The following SCAP variants were observed in gnomAD, a reference collection of about 807,000 sequenced individuals.
The protein encoded by SCAP is SREBF chaperone.
A neutral mutation model predicts 123.6 loss-of-function variants in SCAP; 65 were observed. That is an observed-to-expected ratio of 0.53 (90% CI 0.43 to 0.65). The LOEUF is 0.65. Ranked by LOEUF, SCAP falls within the 30% of genes least tolerant of loss-of-function variation. The pLI is 0.00. For missense variants in SCAP, 1,398 were observed against 1,712.5 expected (o/e 0.82, Z 3.24); for synonymous variants, 740 against 726.3 (o/e 1.02, Z -0.30).
intron 3 of SCAP, among the ~76,000 whole-genome samples, chr3:47,431,505 T>C (rs1011005763): frequency 6.6e-6 from 1 of 152,070 alleles, no homozygotes; most frequent in Non-Finnish European, 1.5e-5. Context: ...AGCTGTAGTG[T>C]CTGAGGCTTC....
At chr3:47,454,142 C>T (rs1243449633) in intron 1 of SCAP, among the ~76,000 whole-genome samples, 4 of 151,606 alleles carry the variant, frequency 2.6e-5, no homozygotes, top group Non-Finnish European at 5.9e-5. Context: ...CCGAGGCGGG[C>T]GGATCACAAG....
At position 47,420,499 on chromosome 3, in the gene SCAP, G is replaced by A; in HGVS notation, c.1563+55C>T. On this transcript the variant is annotated intron_variant, in intron 12 of 22. Transcript: ENST00000265565. This position sits in a 1 kb window ranked among gnomAD's most constrained non-coding sequence, Gnocchi z 5.0. ...AAGGCCAAGTGCAGCACCACAAGGG[G>A]CCTGGAGCACCGGCCCTCCAGAAGA... The A allele has an allele frequency of 6.9e-7, 1 of 1,456,988 alleles. No individual in the cohort carries two copies. Among genetic ancestry groups the A allele is most frequent in the Non-Finnish European group, 9.3e-7 (1 of 1,077,908 alleles). The allele number at this position is 1,456,988 out of a possible 1,614,324, so 90.3% of individuals were successfully genotyped here. A position where few individuals can be genotyped will look rare whatever the true frequency, so the allele number is the denominator to read the frequency against.
chr3:47,454,661 T>C (rs1329224345), intron 1 of SCAP, among the ~76,000 whole-genome samples: 4 of 151,782 alleles, frequency 2.6e-5, no homozygotes, highest in African/African-American at 7.3e-5. Flanking sequence ...CGCAGGAGAA[T>C]CGCTTGAACC....
intron 1 of SCAP, among the ~76,000 whole-genome samples, chr3:47,460,038 T>G (rs1026530986): frequency 4.6e-5 from 7 of 152,198 alleles, no homozygotes; most frequent in African/African-American, 1.7e-4. Context: ...CTTCCCTACT[T>G]GCATGTCCAT....
At chr3:47,434,929 A>C in intron 3 of SCAP, 79 bp downstream of exon 3, 1 of 1,590,980 alleles carries the variant, frequency 6.3e-7, no homozygotes. Context: ...ACCAACCTCA[A>C]TCTCACTGGC....
intron 1 of SCAP, among the ~76,000 whole-genome samples, chr3:47,448,357 G>A (rs1707130549): frequency 6.6e-6 from 1 of 151,454 alleles, no homozygotes; most frequent in African/African-American, 2.4e-5. Flanking sequence ...CTTTCTGCAT[G>A]TGTGTGTGTG....
In SCAP at chr3:47,414,292, C is replaced by G; in HGVS notation, c.3482G>C (p.Gly1161Ala). The G allele has an allele frequency of 6.2e-7, 1 of 1,613,336 alleles. No individual in the cohort carries two copies. The highest frequency in any genetic ancestry group is 8.5e-7 in the Non-Finnish European group (1 of 1,180,014). Residue 1161 changes from glycine to alanine, a missense_variant, in exon 22 of 23, where the codon GGG becomes GCG. Physicochemically the swap from Gly to Ala is moderately conservative, Grantham distance 60 (BLOSUM62 0). This residue lies in a region of SCAP where 130 missense variants were observed against 166.7 expected (regional missense o/e 0.78). Transcript: ENST00000265565. ...SRVSHVFAHR[G>A]DVTSLTCTTS... Reference sequence around the variant, plus strand: ...GGTACAGGTAAGGGAGGTGACATCCCCACGGTGAGCAAACACATGGCTGAC... The same window carrying G: ...GGTACAGGTAAGGGAGGTGACATCCGCACGGTGAGCAAACACATGGCTGAC...
intron 1 of SCAP, among the ~76,000 whole-genome samples, chr3:47,461,682 C>T (rs1169846474): frequency 1.3e-5 from 2 of 152,162 alleles, no homozygotes; most frequent in Non-Finnish European, 2.9e-5. Context: ...GGGAACATTT[C>T]CATGACAGAG....
Position 47,442,957 on chromosome 3 carries a change from G to C in SCAP, c.37C>G (p.Arg13Gly). Residue 13 changes from arginine to glycine, a missense_variant, in exon 2 of 23, where the codon CGG becomes GGG. Around this residue, in one of 7 missense-constraint regions of SCAP, gnomAD observed 319 missense variants for 432.4 expected, o/e 0.74. Transcript: ENST00000265565. ...AGGAGCCCATGGTTGTAGAAGGCCC[G>C]AGATATCTTCTCACGCAGCCTTTCA... Reference protein sequence around the residue: ...LTERLREKISRAFYNHGLLCA... With the variant: ...LTERLREKISGAFYNHGLLCA... 6.2e-7 allele frequency: 1 copy of C among 1,614,106 alleles called. No individual in the cohort carries two copies. The highest frequency in any genetic ancestry group is 8.5e-7 in the Non-Finnish European group (1 of 1,180,022).
At chr3:47,474,251 C>A (rs1179468219) in intron 1 of SCAP, among the ~76,000 whole-genome samples, 1 of 140,642 alleles carries the variant, frequency 7.1e-6, no homozygotes, top group Non-Finnish European at 1.5e-5. Flanking sequence ...GGCGACAGAG[C>A]GAGACTCCAT....
rs1705480013 is a variant in SCAP at position 47,414,629 on chromosome 3, G to A, written c.3330C>T (p.Cys1110=). 3 of 1,613,280 alleles carry A rather than the reference G, an allele frequency of 1.9e-6. No homozygotes were observed. The highest frequency in any genetic ancestry group is 2.2e-5 in the East Asian group (1 of 44,900). The change falls in exon 21 of 23, where the codon TGC becomes TGT. Residue 1110 remains cysteine (C), a synonymous_variant. Transcript: ENST00000265565. ...TLRVFRLEDS[C]CLFTLQGHSG... is the part of the protein sequence containing the mutation. Reference sequence around the variant, plus strand: ...AGTGGCCCTGAAGGGTGAAGAGGCAGCACGAGTCCTCCAGACGGAACACCT... The same window carrying A: ...AGTGGCCCTGAAGGGTGAAGAGGCAACACGAGTCCTCCAGACGGAACACCT...
At chr3:47,425,846 A>G (rs1706104080) in intron 7 of SCAP, 151 bp downstream of exon 7, 6 of 981,070 alleles carry the variant, frequency 6.1e-6, no homozygotes, top group Non-Finnish European at 8.9e-6. Context: ...AGCTCCTAAG[A>G]CCCTGCTGGG....
At chr3:47,474,536 T>C (rs1708194817) in intron 1 of SCAP, among the ~76,000 whole-genome samples, 1 of 152,186 alleles carries the variant, frequency 6.6e-6, no homozygotes, top group Non-Finnish European at 1.5e-5. Context: ...GGTTCACGCC[T>C]GTAATACCAA....
chr3:47,432,646 G>A (rs1359523757), intron 3 of SCAP, among the ~76,000 whole-genome samples: 1 of 152,094 alleles, frequency 6.6e-6, no homozygotes, highest in East Asian at 1.9e-4. Context: ...TCTACTGCCC[G>A]AGTCTCCTAT....
At chr3:47,428,475 A>G (rs746637981) in intron 4 of SCAP, 38 bp downstream of exon 4, 1 of 1,604,944 alleles carries the variant, frequency 6.2e-7, no homozygotes, top group Non-Finnish European at 8.5e-7. Context: ...TCAGTACAGA[A>G]TGGGATTCAG....
intron 4 of SCAP, among the ~76,000 whole-genome samples, chr3:47,427,999 C>T (rs1706213379): frequency 6.6e-6 from 1 of 152,182 alleles, no homozygotes; most frequent in Admixed American, 6.5e-5. Context: ...AAATTAGGGG[C>T]TTCATTTAGT....
In SCAP at chr3:47,414,346, C is replaced by T. The variant is rs975769798; in HGVS notation, c.3428G>A (p.Cys1143Tyr). 5 of 1,612,950 alleles carry T rather than the reference C, an allele frequency of 3.1e-6. No individual in the cohort carries two copies. The highest frequency in any genetic ancestry group is 4.2e-6 in the Non-Finnish European group (5 of 1,180,034). The change falls in exon 22 of 23, where the codon TGC becomes TAC. Residue 1143 changes from cysteine (C) to tyrosine (Y), a missense_variant. Cys to Tyr is a radical substitution (Grantham distance 194). Coordinates refer to ENST00000265565, the MANE Select transcript of SCAP (RefSeq NM_012235.4). Reference sequence around the variant, plus strand: ...GCTGCCAGTCAGTACATCCCACAGGCAGATGGCCCCATCTTGTCCTCCACT... The same window carrying T: ...GCTGCCAGTCAGTACATCCCACAGGTAGATGGCCCCATCTTGTCCTCCACT... ...LASGGQDGAI[C>Y]LWDVLTGSRV...
intron 1 of SCAP, 113 bp from the exon 2 acceptor site, chr3:47,443,204 T>G: frequency 1.4e-6 from 1 of 691,780 alleles, no homozygotes; most frequent in Non-Finnish European, 2.3e-6. Flanking sequence ...AATGCCTATA[T>G]GCAAGGTCTA....
Position 47,415,168 on chromosome 3 carries a change from T to C in SCAP, c.3069A>G (p.Ala1023=), listed in dbSNP as rs1232896033. 3 of 1,611,712 alleles carry C rather than the reference T, an allele frequency of 1.9e-6. No individual in the cohort carries two copies. The change falls in exon 19 of 23, where the codon GCA becomes GCG. Residue 1023 remains alanine (A), a synonymous_variant. Coordinates refer to ENST00000265565, the MANE Select transcript of SCAP (RefSeq NM_012235.4). ...LVFLDKRIVA[A]RLNGSLDFFS... is the part of the protein sequence containing the mutation. ...AGAAATCAAGGGAACCGTTGAGCCG[T>C]GCAGCCACAATCCTGGAAGAGAAGA...
Sources: allele counts gnomAD v4.1 joint callset (sites outside exome capture counted in the v4.1 genomes callset), GRCh38; gene constraint gnomAD v4.1.1; regional missense constraint gnomAD v4.1.1; non-coding constraint Gnocchi (gnomAD v3.1); transcripts MANE v1.5; gene names NCBI Gene and HGNC (gene_info 2026-07-23, HGNC 2026-07-21).